CCDC62: variants seen among roughly 807,000 people sequenced by gnomAD.
The protein encoded by CCDC62 is coiled-coil domain containing 62.
Under a neutral mutation model 80.8 loss-of-function variants are expected in CCDC62, and 72 were observed. That is an observed-to-expected ratio of 0.89 (90% CI 0.74 to 1.08). CCDC62 has a LOEUF of 1.08. CCDC62 is among the 50% of genes least tolerant of loss of function. CCDC62 has a pLI of 0.00. For synonymous variants in CCDC62, 286 were observed against 296.5 expected, an observed-to-expected ratio of 0.96 and a Z score of 0.36; for missense variants, 704 against 809.4, an observed-to-expected ratio of 0.87 and a Z score of 1.58.
At chr12:122,822,060 A>AACACACAC (rs58108370) in intron 11 of CCDC62, among the ~76,000 whole-genome samples, 8,264 of 115,696 alleles carry the variant, frequency 0.071, 417 homozygotes, top group African/African-American at 0.11. Context: ...TATAAATTTA[A>AACACACAC]ACACACACAC....
Position 122,774,722 on chromosome 12 carries a change from G to A in CCDC62, c.36+16G>A, listed in dbSNP as rs557321193. The A allele has an allele frequency of 1.2e-5, 15 of 1,248,424 alleles. No homozygotes were observed. The African/African-American group carries it at 1.2e-4, about 10-fold the overall frequency. 77.3% of individuals were successfully genotyped at this position (1,248,424 alleles called of 1,614,324 possible). A position where few individuals can be genotyped will look rare whatever the true frequency, so the allele number is the denominator to read the frequency against. On this transcript the variant is annotated intron_variant, in intron 1 of 12. Coordinates refer to ENST00000253079, the MANE Select transcript of CCDC62 (RefSeq NM_201435.5). Reference sequence around the variant, plus strand: ...CGGGCGCCAGGTAAGCAGCGGTTCCGGGCGCGGCGGGGCGCCGCGGGAACG... The same window carrying A: ...CGGGCGCCAGGTAAGCAGCGGTTCCAGGCGCGGCGGGGCGCCGCGGGAACG...
chr12:122,776,396 G>T (rs1879458301), intron 1 of CCDC62, among the ~76,000 whole-genome samples: 1 of 152,182 alleles, frequency 6.6e-6, no homozygotes, highest in African/African-American at 2.4e-5. Flanking sequence ...TGGCATCATG[G>T]TTATATAGGA....
chr12:122,822,759 A>C (rs958276002), intron 11 of CCDC62, among the ~76,000 whole-genome samples: 3 of 151,862 alleles, frequency 2.0e-5, no homozygotes, highest in Non-Finnish European at 1.5e-5. Flanking sequence ...TCTTTCACGC[A>C]GTCTAATGTC....
At chr12:122,775,004 G>T (rs1011678162) in intron 1 of CCDC62, among the ~76,000 whole-genome samples, 1 of 140,806 alleles carries the variant, frequency 7.1e-6, no homozygotes, top group African/African-American at 2.6e-5. Context: ...TGAGGCAGGA[G>T]AATGGCGTGA....
intron 8 of CCDC62, 96 bp downstream of exon 8, chr12:122,798,296 TC>T: frequency 2.9e-6 from 2 of 692,486 alleles, no homozygotes; most frequent in South Asian, 1.6e-5. Flanking sequence ...TGACTACTAT[TC>T]CCCATATGGT....
chr12:122,797,069 G>T (rs1429580606), intron 6 of CCDC62, among the ~76,000 whole-genome samples: 3 of 151,848 alleles, frequency 2.0e-5, no homozygotes, highest in African/African-American at 7.3e-5. Flanking sequence ...GTAGAAATGG[G>T]GTTTCACCAT....
rs1034514962 is a variant in CCDC62, at chr12:122,827,249, T to A, written c.*868T>A. The stretch of plus-strand genomic sequence containing the variant: ...TTGGTTTCTTTTTATTTTACAGGAG[T>A]AAAATAAGGAAGGAACGTTCATCAC... On this transcript the variant is annotated 3_prime_UTR_variant, in exon 13 of 13. Coordinates refer to ENST00000253079, the MANE Select transcript of CCDC62 (RefSeq NM_201435.5). 9.9e-5 allele frequency: 15 copies of A among 152,044 alleles called. No individual in the cohort carries two copies. In the Middle Eastern group the frequency reaches 0.014, roughly 138 times the overall value. The allele number at this position is 152,044 out of a possible 1,614,324, so 9.4% of individuals were successfully genotyped here.
At chr12:122,774,747 G>C (rs373290584) in intron 1 of CCDC62, 41 bp downstream of exon 1, 5 of 1,226,620 alleles carry the variant, frequency 4.1e-6, no homozygotes, top group Non-Finnish European at 5.2e-6. Flanking sequence ...CCGCGGGAAC[G>C]GTGCACATTG....
At chr12:122,778,679 A>G (rs929941853) in intron 2 of CCDC62, among the ~76,000 whole-genome samples, 5 of 152,150 alleles carry the variant, frequency 3.3e-5, no homozygotes, top group South Asian at 4.1e-4. Context: ...CAGGAGTTCA[A>G]TACCAGCCCA....
intron 8 of CCDC62, among the ~76,000 whole-genome samples, chr12:122,799,004 CG>C (rs2031133352): frequency 6.6e-6 from 1 of 151,752 alleles, no homozygotes; most frequent in Non-Finnish European, 1.5e-5. Flanking sequence ...TGCTGGAACC[CG>C]GGAGGCAGAG....
In CCDC62 at chr12:122,781,155, T is replaced by A; in HGVS notation, c.230-9T>A. ...GTGTGACTACAAATTATTGATGAAC[T>A]TCCCTCAGGTGAACTACATAAAAGA... On this transcript the variant is annotated splice_polypyrimidine_tract_variant and intron_variant, in intron 2 of 12. Coordinates refer to ENST00000253079, the MANE Select transcript of CCDC62 (RefSeq NM_201435.5). The A allele has an allele frequency of 6.3e-7, 1 of 1,599,962 alleles. No individual in the cohort carries two copies. Among genetic ancestry groups the A allele is most frequent in the Non-Finnish European group, 8.5e-7 (1 of 1,174,786 alleles).
intron 6 of CCDC62, among the ~76,000 whole-genome samples, chr12:122,796,760 T>A (rs1276143036): frequency 6.6e-6 from 1 of 152,052 alleles, no homozygotes; most frequent in Non-Finnish European, 1.5e-5. Context: ...TCTTTTAAAA[T>A]TTTTAAATAA....
intron 11 of CCDC62, among the ~76,000 whole-genome samples, chr12:122,817,074 CAG>C (rs1485638552): frequency 7.6e-6 from 1 of 131,746 alleles, no homozygotes; most frequent in East Asian, 1.9e-4. Context: ...TGTTTTGAGA[CAG>C]AGTCTTGCTC....
intron 6 of CCDC62, among the ~76,000 whole-genome samples, chr12:122,795,841 T>C (rs1336270732): frequency 6.6e-6 from 1 of 152,154 alleles, no homozygotes; most frequent in African/African-American, 2.4e-5. Flanking sequence ...ATAGACTGAG[T>C]GTCTGCCTCA....
chr12:122,780,694 TAATC>T (rs1478234701), intron 2 of CCDC62, among the ~76,000 whole-genome samples: 5 of 152,038 alleles, frequency 3.3e-5, no homozygotes, highest in African/African-American at 1.2e-4. Context: ...AGCTTTGGCG[TAATC>T]ATTCAGTGGA....
chr12:122,781,863 G>T (rs1388436575), intron 3 of CCDC62, among the ~76,000 whole-genome samples: 1 of 151,524 alleles, frequency 6.6e-6, no homozygotes, highest in Non-Finnish European at 1.5e-5. Context: ...CATGGCAAAT[G>T]CCTGTCTCTA....
chr12:122,807,471 C>T (rs2031669334), intron 10 of CCDC62, among the ~76,000 whole-genome samples: 1 of 136,620 alleles, frequency 7.3e-6, no homozygotes, highest in African/African-American at 2.8e-5. Context: ...GCAGAGTTTG[C>T]AGTGAGCCGA....
chr12:122,799,572 TATAAAC>T (rs1281567442), intron 8 of CCDC62, among the ~76,000 whole-genome samples: 1 of 152,208 alleles, frequency 6.6e-6, no homozygotes, highest in African/African-American at 2.4e-5. Flanking sequence ...AAAATTAAAA[TATAAAC>T]ATATAAAGTG....
intron 12 of CCDC62, among the ~76,000 whole-genome samples, 188 bp downstream of exon 12, chr12:122,823,647 C>G (rs1324422652): frequency 6.7e-6 from 1 of 150,030 alleles, no homozygotes; most frequent in East Asian, 1.9e-4. Context: ...CAAAGAAATG[C>G]AGATCAAAAA....
Sources: allele counts gnomAD v4.1 joint callset (sites outside exome capture counted in the v4.1 genomes callset), GRCh38; gene constraint gnomAD v4.1.1; transcripts MANE v1.5; gene names NCBI Gene and HGNC (gene_info 2026-07-23, HGNC 2026-07-21).